Variants in KCNIP3 observed in about 807,000 individuals in gnomAD.
KCNIP3 encodes potassium voltage-gated channel interacting protein 3, also known as calsenilin.
KCNIP3 carries 28 observed loss-of-function variants against 35.0 expected under a neutral mutation model. The observed-to-expected ratio is 0.80, with a 90% CI of 0.59 to 1.10. The LOEUF (loss-of-function observed/expected upper bound fraction) is 1.10, where lower values mean the gene tolerates loss of function less well. Among genes scored for constraint, KCNIP3 ranks in the 50% least tolerant of loss-of-function variants. KCNIP3 has a pLI of 0.00. For synonymous variants in KCNIP3, 134 were observed against 133.8 expected (o/e 1.00, Z -0.01); for missense variants, 295 against 338.4 (o/e 0.87, Z 1.01).
intron 2 of KCNIP3, among the ~76,000 whole-genome samples, chr2:95,348,598 A>C (rs1011054677): frequency 2.0e-5 from 3 of 152,200 alleles, no homozygotes; most frequent in Non-Finnish European, 2.9e-5. Context: ...GTTCACCCAC[A>C]GTCGGGGGCA....
At chr2:95,362,803 G>T (rs1340722520) in intron 2 of KCNIP3, among the ~76,000 whole-genome samples, 1 of 152,148 alleles carries the variant, frequency 6.6e-6, no homozygotes, top group Non-Finnish European at 1.5e-5. Context: ...ACTGGTCCTC[G>T]GCCCAGGGAG....
intron 1 of KCNIP3, among the ~76,000 whole-genome samples, chr2:95,301,441 C>T (rs1295953670): frequency 2.6e-5 from 4 of 152,226 alleles, no homozygotes; most frequent in Non-Finnish European, 4.4e-5. Context: ...ACCAGCAGAC[C>T]TGGGCTCAGT....
At chr2:95,332,604 T>C (rs1035547346) in intron 2 of KCNIP3, among the ~76,000 whole-genome samples, 8 of 152,250 alleles carry the variant, frequency 5.3e-5, no homozygotes, top group African/African-American at 1.9e-4. Context: ...TTATTTCATT[T>C]CGTCTTCAAG....
chr2:95,326,529 G>A (rs1678799409), intron 2 of KCNIP3, among the ~76,000 whole-genome samples: 1 of 152,186 alleles, frequency 6.6e-6, no homozygotes. Context: ...CCGGCCTGCC[G>A]GCCCTGTTCT....
chr2:95,384,235 A>G lies in KCNIP3; in HGVS notation c.*186A>G. On this transcript the variant is annotated 3_prime_UTR_variant, in exon 9 of 9. Transcript: ENST00000295225. ...ATTCATCTGGGCTGGCAGAGGGGAC[A>G]GAGTTCAGGGAGGGGCTGAGTCTGG... 1 of 620,856 alleles carries G rather than the reference A, an allele frequency of 1.6e-6. No individual in the cohort carries two copies. The highest frequency in any genetic ancestry group is 1.9e-5 in the South Asian group (1 of 53,060). The allele number at this position is 620,856 out of a possible 1,614,324, so 38.5% of individuals were successfully genotyped here.
chr2:95,341,079 T>C (rs1185919348), intron 2 of KCNIP3, among the ~76,000 whole-genome samples: 3 of 152,170 alleles, frequency 2.0e-5, no homozygotes, highest in Non-Finnish European at 4.4e-5. Context: ...CACCCAAATC[T>C]CAAGTCGAAC....
At chr2:95,324,025 C>T (rs998937676) in intron 2 of KCNIP3, among the ~76,000 whole-genome samples, 10 of 152,278 alleles carry the variant, frequency 6.6e-5, no homozygotes, top group Middle Eastern at 3.4e-3. Flanking sequence ...AGGGAGCCCG[C>T]GGCCACTGCC....
At chr2:95,346,502 G>A (rs1295839442) in intron 2 of KCNIP3, among the ~76,000 whole-genome samples, 1 of 149,454 alleles carries the variant, frequency 6.7e-6, no homozygotes, top group Non-Finnish European at 1.5e-5. Flanking sequence ...GGGCCGCAGG[G>A]ACGCCTCCCG....
At chr2:95,319,864 A>G (rs747062905) in intron 2 of KCNIP3, among the ~76,000 whole-genome samples, 6 of 152,152 alleles carry the variant, frequency 3.9e-5, no homozygotes, top group Non-Finnish European at 8.8e-5. Flanking sequence ...GTGAGACATA[A>G]GCCTCGTATT....
At chr2:95,339,992 C>A (rs1679153027) in intron 2 of KCNIP3, among the ~76,000 whole-genome samples, 1 of 152,000 alleles carries the variant, frequency 6.6e-6, no homozygotes, top group Non-Finnish European at 1.5e-5. Context: ...GAGTTCCAGC[C>A]AGTGGGAAAA....
chr2:95,354,450 C>A (rs552862121), intron 2 of KCNIP3, among the ~76,000 whole-genome samples: 3 of 152,366 alleles, frequency 2.0e-5, no homozygotes, highest in African/African-American at 7.2e-5. Context: ...GTGCCCTCTG[C>A]AGGGAGGGTC....
At chr2:95,301,501 T>G (rs558471403) in intron 1 of KCNIP3, among the ~76,000 whole-genome samples, 20 of 152,318 alleles carry the variant, frequency 1.3e-4, no homozygotes, top group African/African-American at 4.8e-4. Flanking sequence ...GTTACTTAGC[T>G]CATCTGTGCC....
intron 2 of KCNIP3, among the ~76,000 whole-genome samples, chr2:95,329,634 G>T (rs1013521301): frequency 2.0e-5 from 3 of 152,108 alleles, no homozygotes; most frequent in Non-Finnish European, 4.4e-5. Flanking sequence ...TGGCCTGGCT[G>T]CCGGGAGTGG....
rs1201934548 is a variant in KCNIP3, at chr2:95,382,470, A to G, written c.649A>G (p.Arg217Gly). 6 of 1,602,108 alleles carry G rather than the reference A, an allele frequency of 3.7e-6. No homozygotes were observed. In the African/African-American group the frequency reaches 6.7e-5, roughly 18 times the overall value. The change falls in exon 7 of 9, where the codon AGG (arginine) becomes GGG (glycine). Residue 217 changes from arginine (R) to glycine (G), a missense_variant. Coordinates refer to ENST00000295225, the MANE Select transcript of KCNIP3 (RefSeq NM_013434.5). The surrounding 1 kb of genome is among the most constrained non-coding windows in gnomAD (Gnocchi z 4.5). ...REDAPAEHVERFFEKMDRNQD... is the reference protein window; with the variant it reads ...REDAPAEHVEGFFEKMDRNQD... ...GGACGCGCCGGCGGAGCACGTGGAG[A>G]GGTTCTTCGAGGTGAGCGAGCGCCA...
chr2:95,297,642 G>A (rs1461618949), intron 1 of KCNIP3, among the ~76,000 whole-genome samples, 189 bp downstream of exon 1: 2 of 151,930 alleles, frequency 1.3e-5, no homozygotes, highest in African/African-American at 4.8e-5. Context: ...TGGTGTTGGA[G>A]TGTCCTGGCT....
intron 2 of KCNIP3, among the ~76,000 whole-genome samples, chr2:95,372,672 G>A (rs1016594654): frequency 6.6e-6 from 1 of 152,194 alleles, no homozygotes; most frequent in African/African-American, 2.4e-5. Context: ...GCGTGCAGAC[G>A]TCTGGGCCAG....
At chr2:95,335,089 C>A (rs556477369) in intron 2 of KCNIP3, among the ~76,000 whole-genome samples, 63 of 152,328 alleles carry the variant, frequency 4.1e-4, no homozygotes, top group African/African-American at 1.3e-3. Context: ...ACCATGGGAA[C>A]CAGAACTACT....
intron 2 of KCNIP3, among the ~76,000 whole-genome samples, chr2:95,355,763 G>C (rs950646284): frequency 6.6e-6 from 1 of 152,114 alleles, no homozygotes; most frequent in South Asian, 2.1e-4. Context: ...CATTTGGGTT[G>C]GTTCCGAGTC....
intron 1 of KCNIP3, among the ~76,000 whole-genome samples, chr2:95,300,660 G>T (rs1441171173): frequency 6.6e-6 from 1 of 152,226 alleles, no homozygotes; most frequent in African/African-American, 2.4e-5. Context: ...TTGCCTTTGA[G>T]CAGGTGCGTC....
Sources: gnomAD v4.1 joint callset for allele counts (sites outside exome capture counted in the v4.1 genomes callset) on GRCh38, gnomAD v4.1.1 for gene constraint, Gnocchi (gnomAD v3.1) non-coding constraint, MANE v1.5 for transcripts, NCBI Gene and HGNC (gene_info 2026-07-23, HGNC 2026-07-21) for gene names.